Variants in GOLM2 observed in about 807,000 individuals in gnomAD.
GOLM2 encodes protein GOLM2.
Under a neutral mutation model 55.9 loss-of-function variants are expected in GOLM2, and 26 were observed. That is an observed-to-expected ratio of 0.47 (90% CI 0.34 to 0.65). GOLM2 has a LOEUF of 0.65. GOLM2 is among the 30% of genes least tolerant of loss of function. The probability of loss-of-function intolerance (pLI) is 0.01; values close to 1 mark genes in which losing one functional copy is unlikely to be tolerated. For synonymous variants in GOLM2, 165 were observed against 194.6 expected (o/e 0.85, Z 1.27); for missense variants, 486 against 531.8 (o/e 0.91, Z 0.85).
At chr15:44,322,830 G>A (rs974358002) in intron 1 of GOLM2, 135 bp from the exon 2 acceptor site, 5 of 514,804 alleles carry the variant, frequency 9.7e-6, no homozygotes, top group Admixed American at 4.1e-5. Flanking sequence ...GATTTTTTTT[G>A]GAAAGAGGTA....
chr15:44,406,914 T>G (rs1412990562), intron 9 of GOLM2: 2 of 151,950 alleles, frequency 1.3e-5, no homozygotes, highest in East Asian at 3.8e-4. Context: ...AGTAGGGAGC[T>G]GAAGCATTCC....
chr15:44,396,200 CA>C (rs1253331084), intron 8 of GOLM2, among the ~76,000 whole-genome samples: 2 of 151,272 alleles, frequency 1.3e-5, no homozygotes, highest in African/African-American at 4.9e-5. Flanking sequence ...ACTAAAAATG[CA>C]AAAAAAATTA....
At chr15:44,366,415 G>A (rs139795944) in intron 6 of GOLM2, among the ~76,000 whole-genome samples, 4,501 of 152,144 alleles carry the variant, frequency 0.03, 106 homozygotes, top group East Asian at 0.1. Flanking sequence ...GCTAAGGCAG[G>A]AGGATCGCTT....
intron 6 of GOLM2, among the ~76,000 whole-genome samples, chr15:44,377,752 T>C (rs553320773): frequency 6.6e-6 from 1 of 152,164 alleles, no homozygotes; most frequent in African/African-American, 2.4e-5. Context: ...TATCATTTGG[T>C]AATAATGTAG....
At chr15:44,364,528 T>A (rs1333745069) in intron 6 of GOLM2, among the ~76,000 whole-genome samples, 1 of 150,692 alleles carries the variant, frequency 6.6e-6, no homozygotes, top group Admixed American at 6.6e-5. Flanking sequence ...AGCGCAAGAC[T>A]CCATCTCAAA....
At chr15:44,408,037 C>T (rs1220182216) in intron 9 of GOLM2, among the ~76,000 whole-genome samples, 8 of 152,152 alleles carry the variant, frequency 5.3e-5, no homozygotes, top group Non-Finnish European at 8.8e-5. Context: ...GCGTGAGCAA[C>T]CACACCCAGC....
At chr15:44,403,168 TG>T in intron 9 of GOLM2, 114 bp downstream of exon 9, 4 of 1,284,736 alleles carry the variant, frequency 3.1e-6, no homozygotes, top group Non-Finnish European at 4.4e-6. Flanking sequence ...CTAAATTTTT[TG>T]TTTTTTCTTT....
At chr15:44,396,317 C>CAG in intron 8 of GOLM2, among the ~76,000 whole-genome samples, 1 of 151,756 alleles carries the variant, frequency 6.6e-6, no homozygotes, top group Non-Finnish European at 1.5e-5. Flanking sequence ...GAGATTGCAA[C>CAG]ACTGCACTCC....
At chr15:44,353,148 T>C (rs1350584983) in intron 6 of GOLM2, among the ~76,000 whole-genome samples, 1 of 152,182 alleles carries the variant, frequency 6.6e-6, no homozygotes, top group Non-Finnish European at 1.5e-5. Flanking sequence ...CTCAATATCA[T>C]TGGTCATCAA....
In GOLM2 at chr15:44,309,710, T is replaced by G. The variant is rs570769996; in HGVS notation, c.328-13255T>G. On this transcript the variant is annotated intron_variant, in intron 1 of 9. Transcript: ENST00000299957. ...CAGCCAGTGTTGTTAACACTTTATC[T>G]CTGGCATAAACTTTTTGACAATGCT... Among the ~76,000 whole-genome samples, 762 of 152,324 alleles carry G rather than the reference T, an allele frequency of 5.0e-3. 6 individuals are homozygous for G. The highest frequency in any genetic ancestry group is 0.017 in the African/African-American group (724 of 41,572).
At chr15:44,317,653 A>C (rs943446244) in intron 1 of GOLM2, among the ~76,000 whole-genome samples, 1 of 152,102 alleles carries the variant, frequency 6.6e-6, no homozygotes, top group Admixed American at 6.6e-5. Flanking sequence ...TTACCATTTG[A>C]ATGTGAATGG....
Position 44,379,730 on chromosome 15 carries a change from T to G in GOLM2, c.843T>G (p.Ser281Arg). The change falls in exon 7 of 10, where the codon AGT (serine) becomes AGG (arginine). Residue 281 changes from serine to arginine, a missense_variant. Coordinates refer to ENST00000299957, the MANE Select transcript of GOLM2 (RefSeq NM_138423.4). ...KPPISVSQHE[S>R]HQAISHLPTG... ...CTATTTCAGTTTCTCAACATGAAAG[T>G]CATCAAGCAATCTCCCATCTTCCAA... 1 of 1,609,154 alleles carries G rather than the reference T, an allele frequency of 6.2e-7. No homozygotes were observed. The highest frequency in any genetic ancestry group is 8.5e-7 in the Non-Finnish European group (1 of 1,177,002).
intron 6 of GOLM2, among the ~76,000 whole-genome samples, chr15:44,350,527 G>T (rs1363379670): frequency 6.6e-6 from 1 of 152,102 alleles, no homozygotes; most frequent in African/African-American, 2.4e-5. Context: ...CTTCACTGTT[G>T]AACTCTACCA....
chr15:44,370,061 G>A lies in GOLM2; in HGVS notation c.803-9629G>A, dbSNP rs2079319991. On this transcript the variant is annotated intron_variant, in intron 6 of 9. Coordinates refer to ENST00000299957, the MANE Select transcript of GOLM2 (RefSeq NM_138423.4). Reference sequence around the variant, plus strand: ...AGAAAGATGTAGGCTGTTAAGCTAGGCCAGTCTCACCTTTTCTCGTTTTTC... The same window carrying A: ...AGAAAGATGTAGGCTGTTAAGCTAGACCAGTCTCACCTTTTCTCGTTTTTC... Among the ~76,000 whole-genome samples, 3 of 152,118 alleles carry A rather than the reference G, an allele frequency of 2.0e-5. No individual in the cohort carries two copies. The South Asian group carries it at 6.2e-4, about 32-fold the overall frequency.
chr15:44,363,967 C>T (rs1355836091), intron 6 of GOLM2, among the ~76,000 whole-genome samples: 25 of 151,910 alleles, frequency 1.6e-4, no homozygotes, highest in Non-Finnish European at 3.2e-4. Context: ...ACCGCATATT[C>T]TCACTCATAG....
At chr15:44,367,209 C>T (rs62024128) in intron 6 of GOLM2, among the ~76,000 whole-genome samples, 7 of 148,046 alleles carry the variant, frequency 4.7e-5, no homozygotes, top group Admixed American at 4.0e-4. Context: ...TACTGTCTGG[C>T]CCTTTTTTTT....
intron 8 of GOLM2, among the ~76,000 whole-genome samples, chr15:44,388,765 A>C (rs1000477039): frequency 6.6e-6 from 1 of 152,096 alleles, no homozygotes; most frequent in Admixed American, 6.6e-5. Context: ...CTCCTGCCTT[A>C]GCCTCTTGAG....
At chr15:44,331,783 C>T (rs946408214) in intron 3 of GOLM2, among the ~76,000 whole-genome samples, 1 of 152,068 alleles carries the variant, frequency 6.6e-6, no homozygotes. Flanking sequence ...TCTCAATTAG[C>T]TTTATCAGTA....
chr15:44,407,785 T>C (rs1304321306), intron 9 of GOLM2, among the ~76,000 whole-genome samples: 9 of 150,990 alleles, frequency 6.0e-5, no homozygotes, highest in Admixed American at 5.3e-4. Flanking sequence ...TTTTTTTTTT[T>C]TTGTCGCCCA....
Sources: allele counts gnomAD v4.1 joint callset (sites outside exome capture counted in the v4.1 genomes callset), GRCh38; gene constraint gnomAD v4.1.1; transcripts MANE v1.5; gene names NCBI Gene and HGNC (gene_info 2026-07-23, HGNC 2026-07-21).